VPS54: variants seen among roughly 807,000 people sequenced by gnomAD.
VPS54 encodes the protein VPS54 subunit of GARP complex.
In VPS54, 45 loss-of-function variants were observed where a neutral mutation model predicts 121.5. The ratio of observed to expected loss-of-function variants is 0.37; its 90% CI spans 0.29 to 0.47. The LOEUF (loss-of-function observed/expected upper bound fraction) is 0.47, where lower values mean the gene tolerates loss of function less well. Among genes scored for constraint, VPS54 ranks in the 20% least tolerant of loss-of-function variants. The pLI is 0.99. For missense variants in VPS54, 1,090 were observed against 1,131.4 expected (o/e 0.96, Z 0.52); for synonymous variants, 371 against 385.8 (o/e 0.96, Z 0.45).
chr2:63,994,156 C>T (rs1190434283), intron 1 of VPS54, among the ~76,000 whole-genome samples: 1 of 152,172 alleles, frequency 6.6e-6, no homozygotes, highest in Non-Finnish European at 1.5e-5. Flanking sequence ...GCAACACAGA[C>T]CCATCTAACC....
intron 7 of VPS54, among the ~76,000 whole-genome samples, chr2:63,961,046 C>A (rs1458362150): frequency 6.6e-6 from 1 of 152,188 alleles, no homozygotes; most frequent in Non-Finnish European, 1.5e-5. Context: ...ATTCATCATA[C>A]TATATTACAC....
At chr2:63,959,711 A>G (rs1287064359) in intron 7 of VPS54, among the ~76,000 whole-genome samples, 4 of 152,022 alleles carry the variant, frequency 2.6e-5, no homozygotes, top group Admixed American at 6.6e-5. Context: ...ACACGGCAAG[A>G]CTCCGTTTCT....
chr2:63,914,468 CAA>C (rs1342140393), intron 16 of VPS54, among the ~76,000 whole-genome samples, 181 bp from the exon 17 acceptor site: 1 of 152,162 alleles, frequency 6.6e-6, no homozygotes, highest in African/African-American at 2.4e-5. Flanking sequence ...TAACACAAGA[CAA>C]GAGAGGTGTC....
chr2:64,016,609 T>C (rs77140823), intron 1 of VPS54, among the ~76,000 whole-genome samples: 16,982 of 97,178 alleles, frequency 0.17, 1,957 homozygotes, highest in African/African-American at 0.41. Flanking sequence ...CTGAATTGTA[T>C]ATTTTTTTTT....
chr2:63,926,416 C>G (rs1411823313), intron 12 of VPS54, among the ~76,000 whole-genome samples: 2 of 152,156 alleles, frequency 1.3e-5, no homozygotes, highest in African/African-American at 4.8e-5. Flanking sequence ...TTTGTTTGTA[C>G]TGAAGAGCAG....
At chr2:63,915,275 G>A (rs1673330175) in intron 16 of VPS54, among the ~76,000 whole-genome samples, 1 of 151,650 alleles carries the variant, frequency 6.6e-6, no homozygotes, top group Non-Finnish European at 1.5e-5. Context: ...TGAAATTAAG[G>A]AGAAAGCCAT....
At chr2:63,936,790 T>C (rs539558718) in intron 11 of VPS54, among the ~76,000 whole-genome samples, 1 of 152,254 alleles carries the variant, frequency 6.6e-6, no homozygotes, top group Non-Finnish European at 1.5e-5. Context: ...CATAACAGTG[T>C]GGTATTGGCA....
intron 1 of VPS54, among the ~76,000 whole-genome samples, chr2:64,010,317 T>C (rs1430860220): frequency 1.3e-5 from 2 of 152,210 alleles, no homozygotes; most frequent in Non-Finnish European, 2.9e-5. Context: ...CTGCTGTTTT[T>C]TTAAAAGCAA....
At chr2:63,959,136 A>T (rs1415397432) in intron 7 of VPS54, among the ~76,000 whole-genome samples, 1 of 152,216 alleles carries the variant, frequency 6.6e-6, no homozygotes, top group East Asian at 1.9e-4. Context: ...AAATGGTCTT[A>T]AAAACATCTG....
At chr2:64,006,272 A>G (rs1678150039) in intron 1 of VPS54, among the ~76,000 whole-genome samples, 1 of 152,250 alleles carries the variant, frequency 6.6e-6, no homozygotes, top group Non-Finnish European at 1.5e-5. Context: ...ATACCTCAAA[A>G]GGTTCACATA....
At chr2:64,002,960 A>G (rs375551143) in intron 1 of VPS54, among the ~76,000 whole-genome samples, 1 of 152,216 alleles carries the variant, frequency 6.6e-6, no homozygotes, top group African/African-American at 2.4e-5. Context: ...CATAATTATA[A>G]AAGTACAATC....
chr2:63,990,182 TG>T (rs1050732259), intron 1 of VPS54, among the ~76,000 whole-genome samples: 8 of 152,172 alleles, frequency 5.3e-5, no homozygotes, highest in African/African-American at 1.9e-4. Flanking sequence ...CTTCGTTATC[TG>T]ATCAGCCTCT....
intron 7 of VPS54, 68 bp downstream of exon 7, chr2:63,961,990 T>C: frequency 2.1e-6 from 3 of 1,437,490 alleles, no homozygotes; most frequent in Non-Finnish European, 2.8e-6. Context: ...ACTTTTAACA[T>C]TACATGCTCA....
At chr2:63,934,086 G>T in intron 11 of VPS54, 73 bp from the exon 12 acceptor site, 1 of 1,340,546 alleles carries the variant, frequency 7.5e-7, no homozygotes, top group Non-Finnish European at 1.0e-6. Context: ...AGAGAATTCT[G>T]TGCATGTAAT....
chr2:63,952,331 C>T (rs1247029894), intron 7 of VPS54, among the ~76,000 whole-genome samples: 1 of 151,950 alleles, frequency 6.6e-6, no homozygotes. Context: ...TGAAAGAGTC[C>T]AATGGAAAAT....
At chr2:63,924,043 T>TA (rs1478314509) in intron 12 of VPS54, among the ~76,000 whole-genome samples, 1 of 152,200 alleles carries the variant, frequency 6.6e-6, no homozygotes, top group Non-Finnish European at 1.5e-5. Context: ...CTACAGAACC[T>TA]ATGCTTCATG....
chr2:63,994,736 T>C (rs949476535), intron 1 of VPS54, among the ~76,000 whole-genome samples: 4 of 152,140 alleles, frequency 2.6e-5, no homozygotes, highest in African/African-American at 7.2e-5. Context: ...ACTTTCAATA[T>C]AAACCTGCAG....
chr2:64,008,179 G>A (rs1197320210), intron 1 of VPS54, among the ~76,000 whole-genome samples: 2 of 152,130 alleles, frequency 1.3e-5, no homozygotes, highest in African/African-American at 4.8e-5. Context: ...TTGGGAGGAC[G>A]AGGTGGTTAG....
chr2:63,969,596 A>G (rs767595986), intron 4 of VPS54, among the ~76,000 whole-genome samples: 6 of 151,700 alleles, frequency 4.0e-5, no homozygotes, highest in Non-Finnish European at 8.8e-5. Flanking sequence ...GCTCCCACTG[A>G]CTCTCCATTA....
Sources: allele counts gnomAD v4.1 joint callset (sites outside exome capture counted in the v4.1 genomes callset), GRCh38; gene constraint gnomAD v4.1.1; transcripts MANE v1.5; gene names NCBI Gene and HGNC (gene_info 2026-07-23, HGNC 2026-07-21).